The following AUTS2 variants were observed in gnomAD, a reference collection of about 807,000 sequenced individuals.
AUTS2 encodes autism susceptibility gene 2 protein.
AUTS2 carries 17 observed loss-of-function variants against 112.4 expected under a neutral mutation model. That is an observed-to-expected ratio of 0.15 (90% CI 0.10 to 0.23). The LOEUF (loss-of-function observed/expected upper bound fraction) is 0.23, where lower values mean the gene tolerates loss of function less well. Ranked by LOEUF, AUTS2 falls within the 10% of genes least tolerant of loss-of-function variation. The pLI is 1.00. For missense variants in AUTS2, 1,510 were observed against 1,701.6 expected, an observed-to-expected ratio of 0.89 and a Z score of 1.98; for synonymous variants, 751 against 702.7, an observed-to-expected ratio of 1.07 and a Z score of -1.09.
chr7:70,722,452 A>C (rs2129551499), intron 6 of AUTS2, among the ~76,000 whole-genome samples: 1 of 152,326 alleles, frequency 6.6e-6, no homozygotes. Flanking sequence ...CTGTATAGCC[A>C]AATGAGCTTT....
At position 70,008,831 on chromosome 7, in the gene AUTS2, T is replaced by A. The variant is rs560059257; in HGVS notation, c.523-109301T>A. 1.2e-4 allele frequency among the ~76,000 whole-genome samples: 18 copies of A among 152,318 alleles called. No homozygotes were observed. In the South Asian group the frequency reaches 2.7e-3, roughly 23 times the overall value. On this transcript the variant is annotated intron_variant, in intron 2 of 18. Transcript: ENST00000342771. ...AAATCTATATAAACATGATTTAAAG[T>A]ACTTATGATATTGTCCTTTTTTTCA... is the stretch of plus-strand genomic sequence containing the variant.
chr7:69,937,594 A>G (rs1796466195), intron 2 of AUTS2, among the ~76,000 whole-genome samples: 1 of 152,192 alleles, frequency 6.6e-6, no homozygotes, highest in Admixed American at 6.5e-5. Flanking sequence ...CTCTGGGGGT[A>G]TGTGAGTATG....
At chr7:69,754,717 G>A (rs1787878861) in intron 1 of AUTS2, among the ~76,000 whole-genome samples, 1 of 152,076 alleles carries the variant, frequency 6.6e-6, no homozygotes, top group South Asian at 2.1e-4. Context: ...TTTGTGCCAG[G>A]AACTTTAAGT....
intron 5 of AUTS2, among the ~76,000 whole-genome samples, chr7:70,454,229 C>T (rs1290094182): frequency 2.0e-5 from 3 of 152,144 alleles, no homozygotes; most frequent in South Asian, 2.1e-4. Context: ...TGTTTTTTAA[C>T]GCTATTAAAA....
intron 5 of AUTS2, among the ~76,000 whole-genome samples, chr7:70,465,597 G>A (rs146242624): frequency 7.2e-4 from 109 of 152,234 alleles, no homozygotes; most frequent in African/African-American, 2.6e-3. Context: ...GAATAGAGGG[G>A]CCCTATGAAG....
At chr7:70,643,389 G>A (rs908567891) in intron 5 of AUTS2, among the ~76,000 whole-genome samples, 1 of 152,160 alleles carries the variant, frequency 6.6e-6, no homozygotes, top group Non-Finnish European at 1.5e-5. Context: ...TGGCCAACAG[G>A]GTGAAACCCC....
At chr7:69,901,324 T>TA (rs1247266772) in intron 2 of AUTS2, among the ~76,000 whole-genome samples, 1 of 151,968 alleles carries the variant, frequency 6.6e-6, no homozygotes, top group Non-Finnish European at 1.5e-5. Context: ...GAAGCCTTCT[T>TA]ACTCTGAGTT....
rs145877266 is a variant in AUTS2 at position 69,735,804 on chromosome 7, C to A, written c.309+135842C>A. Among the ~76,000 whole-genome samples, 845 of 152,282 alleles carry A rather than the reference C, an allele frequency of 5.5e-3. 1 individual carries two copies. The highest frequency in any genetic ancestry group is 9.5e-3 in the Non-Finnish European group (647 of 68,020). On this transcript the variant is annotated intron_variant, in intron 1 of 18. Coordinates refer to ENST00000342771, the MANE Select transcript of AUTS2 (RefSeq NM_015570.4). Reference sequence around the variant, plus strand: ...GATTTGCTGCTGTAGACAGCCAGTGCAGGGGACTAGCACAGAGGGCAGAGC... The same window carrying A: ...GATTTGCTGCTGTAGACAGCCAGTGAAGGGGACTAGCACAGAGGGCAGAGC...
intron 5 of AUTS2, among the ~76,000 whole-genome samples, chr7:70,547,072 G>A (rs1202062265): frequency 6.6e-6 from 1 of 152,076 alleles, no homozygotes; most frequent in Non-Finnish European, 1.5e-5. Flanking sequence ...TAAATTTATA[G>A]CGTTGTGTAA....
At chr7:70,778,600 A>C (rs1053028267) in intron 14 of AUTS2, among the ~76,000 whole-genome samples, 16 of 151,674 alleles carry the variant, frequency 1.1e-4, no homozygotes, top group Non-Finnish European at 2.2e-4. Context: ...AAAAATAAAA[A>C]CCCGGTTAAA....
chr7:70,790,610 C>G lies in AUTS2; in HGVS notation c.3394C>G (p.His1132Asp). 3.1e-6 allele frequency: 5 copies of G among 1,608,658 alleles called. No individual in the cohort carries two copies. The highest frequency in any genetic ancestry group is 8.5e-7 in the Non-Finnish European group (1 of 1,177,988). Reference sequence around the variant, plus strand: ...CTACAGCCACCACCACCACCACCACCACCACCCGCTGTCTGTGGACCCTCG... The same window carrying G: ...CTACAGCCACCACCACCACCACCACGACCACCCGCTGTCTGTGGACCCTCG... ...HDYSHHHHHH[H>D]HPLSVDPRRE... The change falls in exon 19 of 19, where the codon CAC (histidine) becomes GAC (aspartate). Residue 1132 changes from histidine to aspartate, a missense_variant. Physicochemically the swap from His to Asp is moderately conservative, Grantham distance 81 (BLOSUM62 -1). Around this residue, in one of 3 missense-constraint regions of AUTS2, gnomAD observed 788 missense variants for 797.6 expected, o/e 0.99. Coordinates refer to ENST00000342771, the MANE Select transcript of AUTS2 (RefSeq NM_015570.4). The surrounding 1 kb of genome is among the most constrained non-coding windows in gnomAD (Gnocchi z 7.6).
intron 5 of AUTS2, among the ~76,000 whole-genome samples, chr7:70,686,766 C>G (rs544236857): frequency 9.9e-5 from 15 of 152,238 alleles, no homozygotes; most frequent in Non-Finnish European, 5.9e-5. Context: ...CTCCTGACCT[C>G]AGGTGATCTG....
intron 6 of AUTS2, among the ~76,000 whole-genome samples, chr7:70,728,139 A>G (rs1053369211): frequency 2.0e-5 from 3 of 151,888 alleles, no homozygotes; most frequent in Non-Finnish European, 1.5e-5. Context: ...TTAGGGTAGT[A>G]TGTCCTGAAG....
chr7:70,036,110 C>T (rs939573849), intron 2 of AUTS2, among the ~76,000 whole-genome samples: 8 of 152,150 alleles, frequency 5.3e-5, no homozygotes, highest in African/African-American at 1.9e-4. Context: ...CAAAAGGTAG[C>T]GGCGCCGGCC....
At chr7:70,392,791 G>A (rs116828324) in intron 4 of AUTS2, among the ~76,000 whole-genome samples, 157 of 152,302 alleles carry the variant, frequency 1.0e-3, no homozygotes, top group African/African-American at 3.3e-3. Context: ...GTGAACCACC[G>A]TTTTCCAGAA....
At chr7:70,098,323 A>G (rs1169534507) in intron 2 of AUTS2, among the ~76,000 whole-genome samples, 3 of 152,222 alleles carry the variant, frequency 2.0e-5, no homozygotes, top group Non-Finnish European at 4.4e-5. Flanking sequence ...TGCCTGAATG[A>G]GGGACTTGTT....
chr7:70,117,127 G>GT lies in AUTS2; in HGVS notation c.523-996dup, dbSNP rs1491008028. Among the ~76,000 whole-genome samples the GT allele has an allele frequency of 4.0e-3, 253 of 62,746 alleles. 3 individuals carry two copies. The highest frequency in any genetic ancestry group is 0.013 in the African/African-American group (187 of 14,240). The allele number at this position is 62,746 out of a possible 152,430, so 41.2% of individuals were successfully genotyped here. On this transcript the variant is annotated intron_variant, in intron 2 of 18. Coordinates refer to ENST00000342771, the MANE Select transcript of AUTS2 (RefSeq NM_015570.4). ...TTGTTTTTTTTTTTTGTTTTTTTTT[G>GT]TTTTTTTTTGTTTTTTTTTTTGGTG...
In AUTS2 at chr7:70,790,802, C is replaced by T. The variant is rs1482454954; in HGVS notation, c.3586C>T (p.Arg1196Cys). The change falls in exon 19 of 19, where the codon CGC becomes TGC. Residue 1196 changes from arginine (R) to cysteine (C), a missense_variant. By Grantham distance (180) the Arg-to-Cys change is radical. Coordinates refer to ENST00000342771, the MANE Select transcript of AUTS2 (RefSeq NM_015570.4). This position sits in a 1 kb window ranked among gnomAD's most constrained non-coding sequence, Gnocchi z 7.6. Reference protein sequence around the residue: ...TPGLPSMHYPRISPTAGNQNG... With the variant: ...TPGLPSMHYPCISPTAGNQNG... Reference sequence around the variant, plus strand: ...GGGACTCCCCAGCATGCACTATCCCCGCATCAGCCCCACCGCGGGCAACCA... The same window carrying T: ...GGGACTCCCCAGCATGCACTATCCCTGCATCAGCCCCACCGCGGGCAACCA... 4.4e-6 allele frequency: 7 copies of T among 1,608,644 alleles called. No homozygotes were observed. Among genetic ancestry groups the T allele is most frequent in the Non-Finnish European group, 5.9e-6 (7 of 1,176,728 alleles).
chr7:70,403,922 G>A (rs978898900), intron 4 of AUTS2, among the ~76,000 whole-genome samples: 3 of 152,070 alleles, frequency 2.0e-5, no homozygotes, highest in African/African-American at 4.8e-5. Flanking sequence ...ACTGATTTGG[G>A]GAAAGGCTTG....
Sources: allele counts gnomAD v4.1 joint callset (sites outside exome capture counted in the v4.1 genomes callset), GRCh38; gene constraint gnomAD v4.1.1; regional missense constraint gnomAD v4.1.1; non-coding constraint Gnocchi (gnomAD v3.1); transcripts MANE v1.5; gene names NCBI Gene and HGNC (gene_info 2026-07-23, HGNC 2026-07-21).